Variants in CCSER1 observed in about 807,000 individuals in gnomAD.
The protein encoded by CCSER1 is coiled-coil serine rich protein 1.
In CCSER1, 41 loss-of-function variants were observed where a neutral mutation model predicts 82.0. The observed-to-expected ratio is 0.50, with a 90% CI of 0.39 to 0.65. The LOEUF (loss-of-function observed/expected upper bound fraction) is 0.65. Among genes scored for constraint, CCSER1 ranks in the 30% least tolerant of loss-of-function variants. The pLI, the probability that CCSER1 is intolerant of heterozygous loss-of-function variation, is 0.00. For missense variants in CCSER1, 1,119 were observed against 1,064.2 expected (o/e 1.05, Z -0.72); for synonymous variants, 414 against 383.9 (o/e 1.08, Z -0.92).
In CCSER1 at chr4:91,015,090, A is replaced by G. The variant is rs149585442; in HGVS notation, c.2173-70860A>G. Among the ~76,000 whole-genome samples, 75 of 152,234 alleles carry G rather than the reference A, an allele frequency of 4.9e-4. 1 individual carries two copies. The East Asian group carries it at 0.012, about 25-fold the overall frequency. On this transcript the variant is annotated intron_variant, in intron 9 of 10. Transcript: ENST00000509176. ...AAATTAACAAGCTATACTTGAATCC[A>G]TCCCATATTTATTAACTGATGTTAG...
chr4:90,641,941 T>C, intron 6 of CCSER1: 1 of 343,864 alleles, frequency 2.9e-6, no homozygotes, highest in Non-Finnish European at 6.5e-6. Flanking sequence ...AACTTTCAGT[T>C]TTCTTCATGA....
chr4:90,263,641 C>T lies in CCSER1; in HGVS notation c.-41-44603C>T, dbSNP rs564990547. On this transcript the variant is annotated intron_variant, in intron 1 of 10. Coordinates refer to ENST00000509176, the MANE Select transcript of CCSER1 (RefSeq NM_001145065.2). Reference sequence around the variant, plus strand: ...TGCTGTAATGGCCCGAGTTGATTGACCTCCAACAGAGGTGGCGCTTGAAAA... The same window carrying T: ...TGCTGTAATGGCCCGAGTTGATTGATCTCCAACAGAGGTGGCGCTTGAAAA... Among the ~76,000 whole-genome samples the T allele has an allele frequency of 2.6e-5, 4 of 152,170 alleles. No individual in the cohort carries two copies. In the South Asian group the frequency reaches 6.2e-4, roughly 24 times the overall value.
rs114038602 is a variant in CCSER1 at position 91,146,155 on chromosome 4, C to T, written c.2217+60161C>T. On this transcript the variant is annotated intron_variant, in intron 10 of 10. Coordinates refer to ENST00000509176, the MANE Select transcript of CCSER1 (RefSeq NM_001145065.2). Reference sequence around the variant, plus strand: ...TTATTTTTATGTTCATCTAACTGTACTGATTCAAAGAACTGGTCTTTGAGT... The same window carrying T: ...TTATTTTTATGTTCATCTAACTGTATTGATTCAAAGAACTGGTCTTTGAGT... 3.8e-3 allele frequency among the ~76,000 whole-genome samples: 586 copies of T among 152,238 alleles called. 5 individuals are homozygous for T. The highest frequency in any genetic ancestry group is 0.013 in the African/African-American group (548 of 41,548).
chr4:91,182,747 G>A (rs1282787452), intron 10 of CCSER1, among the ~76,000 whole-genome samples: 1 of 152,202 alleles, frequency 6.6e-6, no homozygotes, highest in Non-Finnish European at 1.5e-5. Flanking sequence ...TATTTGATGT[G>A]TAGCCCAAAG....
chr4:90,515,205 C>G (rs1028430229), intron 5 of CCSER1, among the ~76,000 whole-genome samples: 7 of 152,268 alleles, frequency 4.6e-5, no homozygotes, highest in Admixed American at 4.6e-4. Flanking sequence ...TATATCCACA[C>G]TACAAAAGAG....
At chr4:90,280,807 A>G (rs2153460321) in intron 1 of CCSER1, among the ~76,000 whole-genome samples, 1 of 152,154 alleles carries the variant, frequency 6.6e-6, no homozygotes, top group East Asian at 1.9e-4. Flanking sequence ...TAAATATTTT[A>G]TCACATTGGT....
Position 91,601,745 on chromosome 4 carries a change from G to A in CCSER1, c.*2688G>A, listed in dbSNP as rs1764826954. The A allele has an allele frequency of 6.6e-6, 1 of 152,024 alleles. No individual in the cohort carries two copies. The highest frequency in any genetic ancestry group is 2.4e-5 in the African/African-American group (1 of 41,436). 9.4% of individuals were successfully genotyped at this position (152,024 alleles called of 1,614,324 possible). A position where few individuals can be genotyped will look rare whatever the true frequency, so the allele number is the denominator to read the frequency against. ...TCCTCTTTCTTTTGTGCATGTGTAT[G>A]TGTAGCTAAGCCTAAATAACCCTGT... On this transcript the variant is annotated 3_prime_UTR_variant, in exon 11 of 11. Coordinates refer to ENST00000509176, the MANE Select transcript of CCSER1 (RefSeq NM_001145065.2).
At chr4:90,355,420 AATTTATAATCTT>A (rs1744211258) in intron 3 of CCSER1, among the ~76,000 whole-genome samples, 1 of 152,006 alleles carries the variant, frequency 6.6e-6, no homozygotes, top group Non-Finnish European at 1.5e-5. Flanking sequence ...TGCTTTATGC[AATTTATAATCTT>A]ATTTTATTTA....
chr4:90,646,562 A>G (rs1236640696), intron 6 of CCSER1, among the ~76,000 whole-genome samples: 1 of 152,168 alleles, frequency 6.6e-6, no homozygotes, highest in Non-Finnish European at 1.5e-5. Context: ...CAGGATGCAT[A>G]AACCAGGAAG....
chr4:91,321,762 C>T (rs1472557673), intron 10 of CCSER1, among the ~76,000 whole-genome samples: 1 of 152,026 alleles, frequency 6.6e-6, no homozygotes, highest in African/African-American at 2.4e-5. Flanking sequence ...CATGCCTTCC[C>T]ATCCTCCCAG....
intron 10 of CCSER1, among the ~76,000 whole-genome samples, chr4:91,463,130 C>A (rs570359131): frequency 1.3e-5 from 2 of 152,252 alleles, no homozygotes; most frequent in South Asian, 4.1e-4. Context: ...ACTGACTCCC[C>A]ACATGGCCAA....
intron 9 of CCSER1, among the ~76,000 whole-genome samples, chr4:90,931,889 G>A (rs1729869387): frequency 6.6e-6 from 1 of 151,722 alleles, no homozygotes; most frequent in African/African-American, 2.4e-5. Flanking sequence ...TGATTTGAGA[G>A]GAAAAAAGTC....
chr4:90,478,733 T>TTCTTTG (rs1765452949), intron 5 of CCSER1, among the ~76,000 whole-genome samples: 1 of 128,292 alleles, frequency 7.8e-6, no homozygotes, highest in Non-Finnish European at 1.6e-5. Flanking sequence ...CTTTCTTTCT[T>TTCTTTG]TTTTTTTTTT....
At chr4:90,825,943 T>G (rs1292438889) in intron 8 of CCSER1, among the ~76,000 whole-genome samples, 1 of 152,102 alleles carries the variant, frequency 6.6e-6, no homozygotes, top group South Asian at 2.1e-4. Flanking sequence ...ACCTGCCTCG[T>G]CCTCCCAAAG....
At chr4:90,397,323 G>C (rs184295811) in intron 3 of CCSER1, among the ~76,000 whole-genome samples, 50 of 152,312 alleles carry the variant, frequency 3.3e-4, no homozygotes, top group African/African-American at 1.2e-3. Flanking sequence ...TGGTGTTGCT[G>C]TCTTATGTGA....
rs374058079 is a variant in CCSER1, at chr4:90,309,317, C to G, written c.1033C>G (p.Gln345Glu). Residue 345 changes from glutamine to glutamate, a missense_variant, in exon 2 of 11, where the codon CAG becomes GAG. By Grantham distance (29) the Gln-to-Glu change is conservative. Transcript: ENST00000509176. ...NSLPETSAAN[Q>E]KEVLLQIAEL... ...ATTACCGGAAACCTCTGCTGCTAAT[C>G]AGAAGGAAGTGTTATTACAAATTGC... The G allele has an allele frequency of 1.2e-6, 2 of 1,613,708 alleles. No individual in the cohort carries two copies. The highest frequency in any genetic ancestry group is 8.5e-7 in the Non-Finnish European group (1 of 1,179,816).
Position 91,093,410 on chromosome 4 carries a change from A to T in CCSER1, c.2217+7416A>T, listed in dbSNP as rs116824009. Among the ~76,000 whole-genome samples the T allele has an allele frequency of 7.9e-3, 1,207 of 152,360 alleles. 18 individuals are homozygous for T. The highest frequency in any genetic ancestry group is 0.027 in the African/African-American group (1,134 of 41,576). ...CAGAGCGTTACAGACCTCAATGGTT[A>T]TGCGGGGGTTTTCACATAGCAAGCT... On this transcript the variant is annotated intron_variant, in intron 10 of 10. Transcript: ENST00000509176.
chr4:90,207,314 A>G (rs560180352), intron 1 of CCSER1, among the ~76,000 whole-genome samples: 16 of 152,200 alleles, frequency 1.1e-4, no homozygotes, highest in African/African-American at 3.9e-4. Flanking sequence ...TGCCTCATGA[A>G]ATTCTCATGC....
chr4:91,579,118 ATAT>A (rs925488520), intron 10 of CCSER1, among the ~76,000 whole-genome samples: 9 of 150,860 alleles, frequency 6.0e-5, no homozygotes, highest in Non-Finnish European at 7.4e-5. Context: ...TATTATTATT[ATAT>A]TATTATTATT....
Sources: allele counts gnomAD v4.1 joint callset (sites outside exome capture counted in the v4.1 genomes callset), GRCh38; gene constraint gnomAD v4.1.1; transcripts MANE v1.5; gene names NCBI Gene and HGNC (gene_info 2026-07-23, HGNC 2026-07-21).